Variants in LRRC75A observed in about 807,000 individuals in gnomAD.
LRRC75A encodes the protein leucine rich repeat containing 75A.
A neutral mutation model predicts 26.0 loss-of-function variants in LRRC75A; 12 were observed. That is an observed-to-expected ratio of 0.46 (90% CI 0.30 to 0.75). The LOEUF is 0.75. LRRC75A is among the 30% of genes least tolerant of loss of function. The probability of loss-of-function intolerance (pLI) is 0.08; values close to 1 mark genes in which losing one functional copy is unlikely to be tolerated. For synonymous variants in LRRC75A, 223 were observed against 219.3 expected, an observed-to-expected ratio of 1.02 and a Z score of -0.15; for missense variants, 410 against 486.6, an observed-to-expected ratio of 0.84 and a Z score of 1.48.
chr17:16,470,989 G>A (rs909783655), intron 1 of LRRC75A, among the ~76,000 whole-genome samples: 1 of 152,138 alleles, frequency 6.6e-6, no homozygotes, highest in East Asian at 1.9e-4. Context: ...ACAGATACAG[G>A]ATGCAGTGGG....
intron 3 of LRRC75A, among the ~76,000 whole-genome samples, chr17:16,446,567 A>AGG (rs1427578330): frequency 1.3e-5 from 2 of 152,056 alleles, no homozygotes; most frequent in Non-Finnish European, 2.9e-5. Flanking sequence ...AGGTGAGACG[A>AGG]GGGGGCGAGG....
chr17:16,478,975 C>T (rs1471376124), intron 1 of LRRC75A, among the ~76,000 whole-genome samples: 2 of 152,204 alleles, frequency 1.3e-5, no homozygotes, highest in South Asian at 2.1e-4. Context: ...AGACCTCATT[C>T]CCCCAGAACT....
intron 1 of LRRC75A, among the ~76,000 whole-genome samples, chr17:16,486,362 C>T (rs1329246714): frequency 6.6e-6 from 1 of 152,170 alleles, no homozygotes; most frequent in African/African-American, 2.4e-5. Context: ...ATAACCGGCC[C>T]AGCTACAGCC....
intron 2 of LRRC75A, among the ~76,000 whole-genome samples, chr17:16,452,635 C>G (rs12938294): frequency 0.22 from 33,897 of 151,752 alleles, 4,048 homozygotes; most frequent in Middle Eastern, 0.31. Context: ...GGGGTTTCAC[C>G]ATGTTGGCCA....
Position 16,441,706 on chromosome 17 carries a change from G to T in LRRC75A, c.*1882C>A. The T allele has an allele frequency of 3.7e-6, 1 of 267,012 alleles. No homozygotes were observed. The highest frequency in any genetic ancestry group is 7.5e-6 in the Non-Finnish European group (1 of 133,198). 16.5% of individuals were successfully genotyped at this position (267,012 alleles called of 1,614,324 possible). A position where few individuals can be genotyped will look rare whatever the true frequency, so the allele number is the denominator to read the frequency against. On this transcript the variant is annotated 3_prime_UTR_variant, in exon 4 of 4. Coordinates refer to ENST00000470794, the MANE Select transcript of LRRC75A (RefSeq NM_001113567.3). ...CTCCCACCTTGTAGCTGGGACTACA[G>T]CTCACAGCACACCTGGCTAAAATTT...
intron 1 of LRRC75A, among the ~76,000 whole-genome samples, chr17:16,484,761 G>A (rs890587414): frequency 1.1e-4 from 16 of 152,140 alleles, no homozygotes; most frequent in Admixed American, 9.2e-4. Flanking sequence ...GGACACTGAG[G>A]GCCGAGCAGG....
Position 16,476,715 on chromosome 17 carries a change from G to A in LRRC75A, c.247-14329C>T, listed in dbSNP as rs555419914. Reference sequence around the variant, plus strand: ...CGAGTAGCTGAGATTACAGGTGCCCGTCACCATGCCTGGCTGATTTTTTTT... The same window carrying A: ...CGAGTAGCTGAGATTACAGGTGCCCATCACCATGCCTGGCTGATTTTTTTT... On this transcript the variant is annotated intron_variant, in intron 1 of 3. Coordinates refer to ENST00000470794, the MANE Select transcript of LRRC75A (RefSeq NM_001113567.3). 9.8e-4 allele frequency among the ~76,000 whole-genome samples: 140 copies of A among 143,418 alleles called. 1 individual carries two copies. The highest frequency in any genetic ancestry group is 3.4e-3 in the African/African-American group (130 of 38,340). 94.1% of individuals were successfully genotyped at this position (143,418 alleles called of 152,430 possible). A position where few individuals can be genotyped will look rare whatever the true frequency, so the allele number is the denominator to read the frequency against.
chr17:16,467,980 T>A (rs892195231), intron 1 of LRRC75A, among the ~76,000 whole-genome samples: 2 of 152,166 alleles, frequency 1.3e-5, no homozygotes, highest in African/African-American at 4.8e-5. Context: ...CCAGCCAAAA[T>A]CTTTCTAATA....
intron 2 of LRRC75A, among the ~76,000 whole-genome samples, chr17:16,451,288 G>A (rs2093628453): frequency 6.6e-6 from 1 of 152,046 alleles, no homozygotes; most frequent in South Asian, 2.1e-4. Flanking sequence ...ACAAGTTCAG[G>A]GAGTGGGGCC....
intron 3 of LRRC75A, among the ~76,000 whole-genome samples, chr17:16,444,808 T>C (rs1446394136): frequency 6.6e-6 from 1 of 150,598 alleles, no homozygotes; most frequent in Non-Finnish European, 1.5e-5. Flanking sequence ...ATCTGTTTGC[T>C]GGCTCCAAGG....
Position 16,462,514 on chromosome 17 carries a change from T to C in LRRC75A, c.247-128A>G. 1 of 1,262,288 alleles carries C rather than the reference T, an allele frequency of 7.9e-7. No homozygotes were observed. The highest frequency in any genetic ancestry group is 1.1e-6 in the Non-Finnish European group (1 of 921,976). The allele number at this position is 1,262,288 out of a possible 1,614,324, so 78.2% of individuals were successfully genotyped here. A position where few individuals can be genotyped will look rare whatever the true frequency, so the allele number is the denominator to read the frequency against. On this transcript the variant is annotated intron_variant, in intron 1 of 3. Transcript: ENST00000470794. The surrounding 1 kb of genome is among the most constrained non-coding windows in gnomAD (Gnocchi z 4.6). ...TCCCAGAGCCCCGGTGGGGAGCATC[T>C]GCAGAACTTCCCTCAGGGGCTGGGG...
chr17:16,450,538 T>C (rs2093623112), intron 2 of LRRC75A, among the ~76,000 whole-genome samples: 2 of 152,134 alleles, frequency 1.3e-5, no homozygotes, highest in Non-Finnish European at 2.9e-5. Context: ...GTCACTCCTG[T>C]GTGTCACTCT....
chr17:16,479,454 C>A (rs1002018837), intron 1 of LRRC75A, among the ~76,000 whole-genome samples: 9 of 152,204 alleles, frequency 5.9e-5, no homozygotes, highest in African/African-American at 2.2e-4. Context: ...CTGTGCAGGG[C>A]ATGTACTGCA....
At chr17:16,477,404 GTGAGCAGAGA>G (rs531553299) in intron 1 of LRRC75A, among the ~76,000 whole-genome samples, 84 of 152,358 alleles carry the variant, frequency 5.5e-4, no homozygotes, top group African/African-American at 1.7e-3. Flanking sequence ...CTCCCTCTGG[GTGAGCAGAGA>G]TGAGTCATGC....
intron 2 of LRRC75A, among the ~76,000 whole-genome samples, chr17:16,457,619 T>G (rs2093695450): frequency 6.6e-6 from 1 of 152,124 alleles, no homozygotes; most frequent in African/African-American, 2.4e-5. Flanking sequence ...AGCAACAGAA[T>G]CATTAGAACC....
Position 16,491,736 on chromosome 17 carries a change from C to T in LRRC75A, c.246+9G>A, listed in dbSNP as rs1420519763. 5.2e-6 allele frequency: 7 copies of T among 1,352,538 alleles called. No homozygotes were observed. Among genetic ancestry groups the T allele is most frequent in the South Asian group, 1.7e-5 (1 of 57,862 alleles). 83.8% of individuals were successfully genotyped at this position (1,352,538 alleles called of 1,614,324 possible). A position where few individuals can be genotyped will look rare whatever the true frequency, so the allele number is the denominator to read the frequency against. ...CGGCGCGCCCCCCGCGCCCCCTCCCCGCGCTCACCTGGCGCAGGTGCTGCA... is the reference window on the plus strand; with the variant it reads ...CGGCGCGCCCCCCGCGCCCCCTCCCTGCGCTCACCTGGCGCAGGTGCTGCA... On this transcript the variant is annotated intron_variant, in intron 1 of 3. Transcript: ENST00000470794. This position sits in a 1 kb window ranked among gnomAD's most constrained non-coding sequence, Gnocchi z 5.9.
intron 2 of LRRC75A, among the ~76,000 whole-genome samples, chr17:16,448,923 G>C (rs1386663224): frequency 6.6e-6 from 1 of 152,176 alleles, no homozygotes; most frequent in African/African-American, 2.4e-5. Context: ...CAGACACTGG[G>C]TTAAATGGTG....
intron 1 of LRRC75A, among the ~76,000 whole-genome samples, chr17:16,466,907 A>C (rs2093773891): frequency 6.6e-6 from 1 of 152,190 alleles, no homozygotes; most frequent in Non-Finnish European, 1.5e-5. Flanking sequence ...AGACCATTTT[A>C]GGGGTGCTGT....
chr17:16,442,138 C>T lies in LRRC75A; in HGVS notation c.*1450G>A, dbSNP rs1395876283. 6.6e-6 allele frequency: 1 copy of T among 152,302 alleles called. No homozygotes were observed. Among genetic ancestry groups the T allele is most frequent in the East Asian group, 1.9e-4 (1 of 5,196 alleles). The allele number at this position is 152,302 out of a possible 1,614,324, so 9.4% of individuals were successfully genotyped here. A position where few individuals can be genotyped will look rare whatever the true frequency, so the allele number is the denominator to read the frequency against. On this transcript the variant is annotated 3_prime_UTR_variant, in exon 4 of 4. Coordinates refer to ENST00000470794, the MANE Select transcript of LRRC75A (RefSeq NM_001113567.3). ...TGTGGTCAGCCTAAGCTCTTAACCCCCTATTCTACAGCTTTAGACTGAAGG... is the reference window on the plus strand; with the variant it reads ...TGTGGTCAGCCTAAGCTCTTAACCCTCTATTCTACAGCTTTAGACTGAAGG...
Sources: allele counts gnomAD v4.1 joint callset (sites outside exome capture counted in the v4.1 genomes callset), GRCh38; gene constraint gnomAD v4.1.1; non-coding constraint Gnocchi (gnomAD v3.1); transcripts MANE v1.5; gene names NCBI Gene and HGNC (gene_info 2026-07-23, HGNC 2026-07-21).